Variants in FLRT2 observed in about 807,000 individuals in gnomAD.
The protein encoded by FLRT2 is leucine-rich repeat transmembrane protein FLRT2.
In FLRT2, 15 loss-of-function variants were observed where a neutral mutation model predicts 40.0. That is an observed-to-expected ratio of 0.38 (90% CI 0.25 to 0.58). The LOEUF (loss-of-function observed/expected upper bound fraction) is 0.58. Ranked by LOEUF, FLRT2 falls within the 20% of genes least tolerant of loss-of-function variation. The pLI is 0.71. For missense variants in FLRT2, 726 were observed against 840.0 expected, an observed-to-expected ratio of 0.86 and a Z score of 1.68; for synonymous variants, 380 against 336.8, an observed-to-expected ratio of 1.13 and a Z score of -1.41.
chr14:85,557,865 AAAG>A (rs2139838297), intron 1 of FLRT2, among the ~76,000 whole-genome samples: 1 of 152,244 alleles, frequency 6.6e-6, no homozygotes, highest in South Asian at 2.1e-4. Flanking sequence ...AGCAAACTAA[AAAG>A]ACACTTCTCA....
rs1488381259 is a variant in FLRT2 at position 85,650,457 on chromosome 14, A to G, written c.*26960A>G. Reference sequence around the variant, plus strand: ...CTTTTAATGTCATCTGGTGTCAGGTATGAGAGTTCCTAAACACACACAGTG... The same window carrying G: ...CTTTTAATGTCATCTGGTGTCAGGTGTGAGAGTTCCTAAACACACACAGTG... On this transcript the variant is annotated 3_prime_UTR_variant, in exon 2 of 2. Transcript: ENST00000330753. 1 of 151,996 alleles carries G rather than the reference A, an allele frequency of 6.6e-6. No homozygotes were observed. Among genetic ancestry groups the G allele is most frequent in the African/African-American group, 2.4e-5 (1 of 41,414 alleles). 9.4% of individuals were successfully genotyped at this position (151,996 alleles called of 1,614,324 possible).
rs775619302 is a variant in FLRT2 at position 85,621,613 on chromosome 14, C to T, written c.99C>T (p.Leu33=). 11 of 1,614,140 alleles carry T rather than the reference C, an allele frequency of 6.8e-6. No individual in the cohort carries two copies. Among genetic ancestry groups the T allele is most frequent in the East Asian group, 6.7e-5 (3 of 44,866 alleles). Residue 33 remains leucine (L), a synonymous_variant, in exon 2 of 2, where the codon CTC becomes CTT. Transcript: ENST00000330753. ...GGCTCTACTCACAGGTGTCCAAACT[C>T]CTGGCCTGCCCTAGTGTGTGCCGCT... ...SLGLYSQVSK[L]LACPSVCRCD... is the part of the protein sequence containing the mutation.
rs1420606761 is a variant in FLRT2 at position 85,633,272 on chromosome 14, T to TG, written c.*9778dup. On this transcript the variant is annotated 3_prime_UTR_variant, in exon 2 of 2. Transcript: ENST00000330753. ...AAAAAATTGGGAAGATGAGGTGCCA[T>TG]GGGATAACACACAACCATGGCAGGC... The TG allele has an allele frequency of 3.3e-5, 5 of 152,170 alleles. No homozygotes were observed. Among genetic ancestry groups the TG allele is most frequent in the African/African-American group, 1.2e-4 (5 of 41,460 alleles). 9.4% of individuals were successfully genotyped at this position (152,170 alleles called of 1,614,324 possible). A position where few individuals can be genotyped will look rare whatever the true frequency, so the allele number is the denominator to read the frequency against.
chr14:85,608,753 T>A (rs991443904), intron 1 of FLRT2, among the ~76,000 whole-genome samples: 2 of 152,188 alleles, frequency 1.3e-5, no homozygotes, highest in Admixed American at 6.5e-5. Flanking sequence ...ACGACCCTTC[T>A]CTTCTTGGAG....
At chr14:85,615,107 A>G (rs1056981334) in intron 1 of FLRT2, among the ~76,000 whole-genome samples, 4 of 152,184 alleles carry the variant, frequency 2.6e-5, no homozygotes, top group African/African-American at 7.2e-5. Context: ...TTCTAGATCC[A>G]AACACCGTGC....
intron 1 of FLRT2, among the ~76,000 whole-genome samples, chr14:85,589,310 T>A (rs1399803035): frequency 6.6e-6 from 1 of 152,184 alleles, no homozygotes; most frequent in Non-Finnish European, 1.5e-5. Context: ...GTATTTTTAC[T>A]GGGGTGTGAT....
intron 1 of FLRT2, among the ~76,000 whole-genome samples, chr14:85,568,113 G>A (rs535571622): frequency 6.6e-6 from 1 of 151,966 alleles, no homozygotes; most frequent in Admixed American, 6.6e-5. Flanking sequence ...AGGGTTCCTT[G>A]AGAATTTGGC....
intron 1 of FLRT2, among the ~76,000 whole-genome samples, chr14:85,540,375 T>A (rs1469736980): frequency 6.6e-6 from 1 of 152,164 alleles, no homozygotes; most frequent in African/African-American, 2.4e-5. Flanking sequence ...TTCTTTACAG[T>A]GTATTTCTGC....
chr14:85,608,389 A>G (rs1336407902), intron 1 of FLRT2, among the ~76,000 whole-genome samples: 2 of 151,950 alleles, frequency 1.3e-5, no homozygotes, highest in African/African-American at 4.8e-5. Flanking sequence ...GCCTGCCACC[A>G]TGCCTGGCTA....
chr14:85,550,427 C>G (rs1889548262), intron 1 of FLRT2, among the ~76,000 whole-genome samples: 1 of 152,160 alleles, frequency 6.6e-6, no homozygotes, highest in Admixed American at 6.5e-5. Flanking sequence ...TAAATGAGTT[C>G]ACTGTAGACC....
chr14:85,651,963 G>A lies in FLRT2; in HGVS notation c.*28466G>A, dbSNP rs1326389266. 1 of 151,816 alleles carries A rather than the reference G, an allele frequency of 6.6e-6. No individual in the cohort carries two copies. Among genetic ancestry groups the A allele is most frequent in the African/African-American group, 2.4e-5 (1 of 41,340 alleles). The allele number at this position is 151,816 out of a possible 1,614,324, so 9.4% of individuals were successfully genotyped here. Reference sequence around the variant, plus strand: ...AAATATGCTTTCCCACTAGGGCTGGGGCTAATGGAAAATACATCTTAAAAA... The same window carrying A: ...AAATATGCTTTCCCACTAGGGCTGGAGCTAATGGAAAATACATCTTAAAAA... On this transcript the variant is annotated 3_prime_UTR_variant, in exon 2 of 2. Transcript: ENST00000330753.
At chr14:85,566,549 T>TTGTGTGTGTG (rs61634735) in intron 1 of FLRT2, among the ~76,000 whole-genome samples, 25,657 of 130,688 alleles carry the variant, frequency 0.2, 2,447 homozygotes, top group South Asian at 0.25. Flanking sequence ...ACTTCCATGG[T>TTGTGTGTGTG]TGTGTGTGTG....
chr14:85,630,256 C>G lies in FLRT2; in HGVS notation c.*6759C>G, dbSNP rs1456813197. ...ACCCAAACTATATGTCATTTTAGCACACACATACCAATGGGTGATCATATC... is the reference window on the plus strand; with the variant it reads ...ACCCAAACTATATGTCATTTTAGCAGACACATACCAATGGGTGATCATATC... On this transcript the variant is annotated 3_prime_UTR_variant, in exon 2 of 2. Coordinates refer to ENST00000330753, the MANE Select transcript of FLRT2 (RefSeq NM_013231.6). 6.9e-6 allele frequency: 1 copy of G among 144,724 alleles called. No homozygotes were observed. The highest frequency in any genetic ancestry group is 6.9e-5 in the Admixed American group (1 of 14,596). 9.0% of individuals were successfully genotyped at this position (144,724 alleles called of 1,614,324 possible). A position where few individuals can be genotyped will look rare whatever the true frequency, so the allele number is the denominator to read the frequency against.
chr14:85,554,145 C>T (rs1288264154), intron 1 of FLRT2, among the ~76,000 whole-genome samples: 1 of 152,104 alleles, frequency 6.6e-6, no homozygotes, highest in East Asian at 1.9e-4. Flanking sequence ...CTCTGCAGGA[C>T]ACTACCCGTA....
intron 1 of FLRT2, among the ~76,000 whole-genome samples, chr14:85,555,800 C>T (rs1177730671): frequency 1.3e-5 from 2 of 151,924 alleles, no homozygotes; most frequent in South Asian, 4.1e-4. Flanking sequence ...AAGTGATCCT[C>T]TTGCCTCAGC....
intron 1 of FLRT2, among the ~76,000 whole-genome samples, chr14:85,566,895 C>T (rs543404994): frequency 1.4e-4 from 21 of 152,118 alleles, no homozygotes; most frequent in Admixed American, 1.2e-3. Flanking sequence ...TCCGTTTCTG[C>T]CAGATGAAGA....
chr14:85,618,601 G>A (rs1893239611), intron 1 of FLRT2, among the ~76,000 whole-genome samples: 1 of 152,128 alleles, frequency 6.6e-6, no homozygotes, highest in Non-Finnish European at 1.5e-5. Flanking sequence ...CCCAGAAGAT[G>A]TAATTTACAT....
At chr14:85,609,409 T>C (rs998441211) in intron 1 of FLRT2, among the ~76,000 whole-genome samples, 7 of 152,200 alleles carry the variant, frequency 4.6e-5, no homozygotes, top group Non-Finnish European at 1.5e-5. Context: ...TATTCCCATA[T>C]TCTGAATTCC....
rs752109834 is a variant in FLRT2, at chr14:85,622,212, A to G, written c.698A>G (p.Lys233Arg). 1.9e-6 allele frequency: 3 copies of G among 1,614,190 alleles called. No individual in the cohort carries two copies. Among genetic ancestry groups the G allele is most frequent in the East Asian group, 2.2e-5 (1 of 44,874 alleles). Residue 233 changes from lysine (K) to arginine (R), a missense_variant, in exon 2 of 2, where the codon AAG (lysine) becomes AGG (arginine). Coordinates refer to ENST00000330753, the MANE Select transcript of FLRT2 (RefSeq NM_013231.6). ...EGTFSHLTKL[K>R]EFSIVRNSLS... ...ACCTTCAGCCATCTCACCAAGCTCA[A>G]GGAATTTTCAATTGTACGTAATTCG...
Sources: allele counts gnomAD v4.1 joint callset (sites outside exome capture counted in the v4.1 genomes callset), GRCh38; gene constraint gnomAD v4.1.1; transcripts MANE v1.5; gene names NCBI Gene and HGNC (gene_info 2026-07-23, HGNC 2026-07-21).